The following CPA6 variants were observed in gnomAD, a reference collection of about 807,000 sequenced individuals.
The protein encoded by CPA6 is carboxypeptidase B.
In CPA6, 58 loss-of-function variants were observed where a neutral mutation model predicts 63.3. The ratio of observed to expected loss-of-function variants is 0.92; its 90% CI spans 0.74 to 1.14. The LOEUF is 1.14. Ranked by LOEUF, CPA6 falls within the 50% of genes most tolerant of loss-of-function variation. The pLI is 0.00. For synonymous variants in CPA6, 185 were observed against 179.0 expected, an observed-to-expected ratio of 1.03 and a Z score of -0.27; for missense variants, 565 against 526.6, an observed-to-expected ratio of 1.07 and a Z score of -0.71.
chr8:67,496,555 A>ATATATATT (rs1199617624), intron 6 of CPA6, among the ~76,000 whole-genome samples: 47 of 100,990 alleles, frequency 4.7e-4, no homozygotes, highest in African/African-American at 1.5e-3. Flanking sequence ...ATATATATAT[A>ATATATATT]TATTTATTTT....
intron 9 of CPA6, among the ~76,000 whole-genome samples, chr8:67,430,131 A>ATATGTGTG (rs1197851567): frequency 7.8e-6 from 1 of 128,656 alleles, no homozygotes; most frequent in Non-Finnish European, 1.6e-5. Context: ...GTATATATAT[A>ATATGTGTG]TGTGTGTGTG....
At chr8:67,468,878 C>T (rs916204391) in intron 8 of CPA6, among the ~76,000 whole-genome samples, 1 of 152,182 alleles carries the variant, frequency 6.6e-6, no homozygotes, top group Non-Finnish European at 1.5e-5. Context: ...CACCACATTC[C>T]ATCCTGTTGA....
At chr8:67,665,327 C>T (rs1297639684) in intron 1 of CPA6, among the ~76,000 whole-genome samples, 1 of 152,170 alleles carries the variant, frequency 6.6e-6, no homozygotes, top group African/African-American at 2.4e-5. Context: ...CGAGTTTCTT[C>T]ATGAAGTGGT....
chr8:67,509,578 C>T lies in CPA6; in HGVS notation c.473G>A (p.Gly158Asp), dbSNP rs778677867. ...TCCAATAGAGAACATGTGAATGAGGCCTGAGTGAGTTTTATTCAGATGATG... is the reference window on the plus strand; with the variant it reads ...TCCAATAGAGAACATGTGAATGAGGTCTGAGTGAGTTTTATTCAGATGATG... ...WMHHLNKTHSGLIHMFSIGRS... is the reference protein window; with the variant it reads ...WMHHLNKTHSDLIHMFSIGRS... Residue 158 changes from glycine (G) to aspartate (D), a missense_variant, in exon 5 of 11, where the codon GGC (glycine) becomes GAC (aspartate). Coordinates refer to ENST00000297770, the MANE Select transcript of CPA6 (RefSeq NM_020361.5). The T allele has an allele frequency of 5.0e-6, 8 of 1,599,114 alleles. No homozygotes were observed. In the Admixed American group the frequency reaches 1.4e-4, roughly 27 times the overall value.
intron 1 of CPA6, among the ~76,000 whole-genome samples, chr8:67,660,795 A>G (rs1431769249): frequency 6.6e-6 from 1 of 152,024 alleles, no homozygotes; most frequent in African/African-American, 2.4e-5. Flanking sequence ...AAGGATGTGA[A>G]TTTTCTGGAA....
intron 2 of CPA6, among the ~76,000 whole-genome samples, chr8:67,614,621 T>G (rs1814896739): frequency 6.6e-6 from 1 of 152,094 alleles, no homozygotes; most frequent in Non-Finnish European, 1.5e-5. Context: ...TAGAAATCTT[T>G]CCCCTAAGAG....
At chr8:67,553,964 A>C (rs755567979) in intron 2 of CPA6, among the ~76,000 whole-genome samples, 5 of 152,214 alleles carry the variant, frequency 3.3e-5, no homozygotes, top group African/African-American at 1.2e-4. Context: ...CCTGAAGGGT[A>C]TATGTATATG....
intron 2 of CPA6, among the ~76,000 whole-genome samples, chr8:67,558,165 T>C (rs1025628004): frequency 3.2e-4 from 48 of 152,252 alleles, no homozygotes; most frequent in African/African-American, 1.1e-3. Flanking sequence ...ACACTTGCTA[T>C]GATTTTTGCC....
intron 1 of CPA6, among the ~76,000 whole-genome samples, chr8:67,630,414 C>T (rs1332782686): frequency 6.6e-6 from 1 of 152,092 alleles, no homozygotes; most frequent in Admixed American, 6.6e-5. Context: ...GCCAACTCCT[C>T]ACAGACAGTG....
At chr8:67,476,553 C>A (rs201299677) in intron 8 of CPA6, among the ~76,000 whole-genome samples, 1 of 142,020 alleles carries the variant, frequency 7.0e-6, no homozygotes, top group Non-Finnish European at 1.5e-5. Flanking sequence ...CTCTCTCTCT[C>A]TTTTTTTTTT....
intron 1 of CPA6, among the ~76,000 whole-genome samples, chr8:67,743,861 T>C (rs1817957561): frequency 6.6e-6 from 1 of 152,194 alleles, no homozygotes; most frequent in Non-Finnish European, 1.5e-5. Flanking sequence ...AAAATATTTT[T>C]ACATGAATGC....
At chr8:67,740,988 A>T (rs1485177939) in intron 1 of CPA6, among the ~76,000 whole-genome samples, 1 of 152,236 alleles carries the variant, frequency 6.6e-6, no homozygotes, top group East Asian at 1.9e-4. Context: ...CCATAAGCAC[A>T]GCATGGGTGT....
chr8:67,653,056 T>A (rs560567363), intron 1 of CPA6, among the ~76,000 whole-genome samples: 4 of 152,208 alleles, frequency 2.6e-5, no homozygotes, highest in Non-Finnish European at 5.9e-5. Context: ...GTTGTAGATA[T>A]GCGGCATTAT....
chr8:67,459,955 A>G (rs182728635), intron 8 of CPA6, among the ~76,000 whole-genome samples: 2 of 152,292 alleles, frequency 1.3e-5, no homozygotes, highest in Admixed American at 1.3e-4. Context: ...GAAAATCTCC[A>G]TAACTTCCTC....
At chr8:67,646,041 G>T (rs1219237519) in intron 1 of CPA6, among the ~76,000 whole-genome samples, 2 of 152,180 alleles carry the variant, frequency 1.3e-5, no homozygotes, top group African/African-American at 4.8e-5. Context: ...GCTAAGACTG[G>T]TGGGATCCAA....
At chr8:67,443,125 TGATCTTG>T (rs2128954191) in intron 8 of CPA6, among the ~76,000 whole-genome samples, 1 of 151,880 alleles carries the variant, frequency 6.6e-6, no homozygotes, top group South Asian at 2.1e-4. Flanking sequence ...TGTGGTGGCA[TGATCTTG>T]GCTCACTGCA....
chr8:67,718,499 C>T (rs1282493265), intron 1 of CPA6, among the ~76,000 whole-genome samples: 1 of 152,106 alleles, frequency 6.6e-6, no homozygotes, highest in Non-Finnish European at 1.5e-5. Flanking sequence ...CAGATAATCC[C>T]CACACAGGCA....
chr8:67,550,162 C>A (rs1030530536), intron 2 of CPA6, among the ~76,000 whole-genome samples: 1 of 152,138 alleles, frequency 6.6e-6, no homozygotes, highest in Admixed American at 6.5e-5. Flanking sequence ...GGCATAGTAT[C>A]CAACAGTTAG....
intron 1 of CPA6, among the ~76,000 whole-genome samples, chr8:67,703,368 A>C (rs1817065332): frequency 6.6e-6 from 1 of 152,204 alleles, no homozygotes; most frequent in Non-Finnish European, 1.5e-5. Flanking sequence ...ACAGGAGGCC[A>C]GCAAGAGTGG....
Sources: gnomAD v4.1 joint callset for allele counts (sites outside exome capture counted in the v4.1 genomes callset) on GRCh38, gnomAD v4.1.1 for gene constraint, MANE v1.5 for transcripts, NCBI Gene and HGNC (gene_info 2026-07-23, HGNC 2026-07-21) for gene names.